The following STK17B variants were observed in gnomAD, a reference collection of about 807,000 sequenced individuals.
STK17B encodes serine/threonine kinase 17b.
A neutral mutation model predicts 42.0 loss-of-function variants in STK17B; 21 were observed. The observed-to-expected ratio is 0.50, with a 90% CI of 0.35 to 0.72. The LOEUF (loss-of-function observed/expected upper bound fraction) is 0.72, where lower values mean the gene tolerates loss of function less well. STK17B is among the 30% of genes least tolerant of loss of function. The pLI, the probability that STK17B is intolerant of heterozygous loss-of-function variation, is 0.00. For synonymous variants in STK17B, 143 were observed against 148.4 expected (o/e 0.96, Z 0.26); for missense variants, 349 against 446.0 (o/e 0.78, Z 1.96).
intron 3 of STK17B, chr2:196,156,022 A>C (rs1178631340): frequency 6.4e-6 from 1 of 156,246 alleles, no homozygotes; most frequent in Non-Finnish European, 1.4e-5. Context: ...TATTTTTCAA[A>C]TAGATGAAGA....
At chr2:196,149,114 T>C (rs947135046) in intron 3 of STK17B, among the ~76,000 whole-genome samples, 2 of 151,900 alleles carry the variant, frequency 1.3e-5, no homozygotes, top group African/African-American at 4.8e-5. Flanking sequence ...TTTCAATAAA[T>C]ACTTATCACA....
At chr2:196,174,147 T>G (rs977920479), upstream of STK17B, 2 of 152,194 alleles carry the variant, frequency 1.3e-5, no homozygotes, top group Non-Finnish European at 2.9e-5. Context: ...TGGTATTTGT[T>G]ATGGCAGTCC....
intron 1 of STK17B, among the ~76,000 whole-genome samples, chr2:196,168,745 A>T (rs1365510482): frequency 6.6e-6 from 1 of 152,208 alleles, no homozygotes; most frequent in African/African-American, 2.4e-5. Context: ...GAAAATTGCA[A>T]CATTACAACA....
chr2:196,137,433 C>A lies in STK17B; in HGVS notation c.*14G>T. 1.2e-6 allele frequency: 2 copies of A among 1,606,802 alleles called. No homozygotes were observed. Among genetic ancestry groups the A allele is most frequent in the South Asian group, 2.2e-5 (2 of 89,926 alleles). Reference sequence around the variant, plus strand: ...AATTTCAAATTCAGTCCAAATGAGTCAAAGAAAAAAGTGCTAACAGAGCAA... The same window carrying A: ...AATTTCAAATTCAGTCCAAATGAGTAAAAGAAAAAAGTGCTAACAGAGCAA... On this transcript the variant is annotated 3_prime_UTR_variant, in exon 8 of 8. Coordinates refer to ENST00000263955, the MANE Select transcript of STK17B (RefSeq NM_004226.4).
In STK17B at chr2:196,137,580, G is replaced by C. The variant is rs1181597307; in HGVS notation, c.986C>G (p.Ser329Cys). 1.2e-6 allele frequency: 2 copies of C among 1,614,000 alleles called. No homozygotes were observed. Among genetic ancestry groups the C allele is most frequent in the Non-Finnish European group, 1.7e-6 (2 of 1,180,008 alleles). ...TCTATCACCACAGGTTCCATTACAGGAGGATTTAGAAGTCTTGTCTTCAGA... is the reference window on the plus strand; with the variant it reads ...TCTATCACCACAGGTTCCATTACAGCAGGATTTAGAAGTCTTGTCTTCAGA... ...RSSEDKTSKS[S>C]CNGTCGDRED... The change falls in exon 8 of 8, where the codon TCC (serine) becomes TGC (cysteine). Residue 329 changes from serine (S) to cysteine (C), a missense_variant. By Grantham distance (112) the Ser-to-Cys change is moderately radical. Coordinates refer to ENST00000263955, the MANE Select transcript of STK17B (RefSeq NM_004226.4).
chr2:196,138,381 CCAT>C (rs946597853), intron 7 of STK17B, among the ~76,000 whole-genome samples: 1 of 152,160 alleles, frequency 6.6e-6, no homozygotes, highest in Non-Finnish European at 1.5e-5. Context: ...TATGGATACA[CCAT>C]AATTTATTTA....
chr2:196,152,533 C>A (rs552455272), intron 3 of STK17B, among the ~76,000 whole-genome samples: 1 of 152,306 alleles, frequency 6.6e-6, no homozygotes, highest in South Asian at 2.1e-4. Context: ...TACTCTAAAG[C>A]TACATCTCCA....
At chr2:196,144,318 G>T (rs1364892335) in intron 4 of STK17B, among the ~76,000 whole-genome samples, 1 of 151,152 alleles carries the variant, frequency 6.6e-6, no homozygotes, top group South Asian at 2.1e-4. Flanking sequence ...GTGAAACCCC[G>T]CCTCTACTAA....
chr2:196,165,531 A>C (rs1421568625), intron 1 of STK17B: 1 of 152,182 alleles, frequency 6.6e-6, no homozygotes, highest in Non-Finnish European at 1.5e-5. Flanking sequence ...CCCAGTTTAC[A>C]CTCCCACTAG....
chr2:196,175,490 G>A (rs1172084995), upstream of STK17B, among the ~76,000 whole-genome samples: 2 of 152,120 alleles, frequency 1.3e-5, no homozygotes, highest in Non-Finnish European at 2.9e-5. Flanking sequence ...GCCAGGCATG[G>A]TGGCAGGTTC....
intron 1 of STK17B, among the ~76,000 whole-genome samples, chr2:196,164,038 CAATAAATAAATAAATA>C (rs60492880): frequency 2.1e-5 from 3 of 146,172 alleles, no homozygotes; most frequent in South Asian, 2.2e-4. Flanking sequence ...GATCTTATCT[CAATAAATAAATAAATA>C]AATAAATAAA....
intron 5 of STK17B, 86 bp from the exon 6 acceptor site, chr2:196,141,383 GGCATGATGGCTCAT>G (rs1336947270): frequency 1.9e-6 from 2 of 1,079,718 alleles, no homozygotes; most frequent in Admixed American, 4.1e-5. Flanking sequence ...ACTGGGACTG[GGCATGATGGCTCAT>G]GCCTGTAATC....
At chr2:196,168,054 A>G (rs73048487) in intron 1 of STK17B, among the ~76,000 whole-genome samples, 4,603 of 152,304 alleles carry the variant, frequency 0.03, 225 homozygotes, top group African/African-American at 0.1. Flanking sequence ...ATGATTTTCA[A>G]TTTCAAGGAA....
rs148839124 is a variant in STK17B at position 196,170,302 on chromosome 2, T to G, written c.-45+1031A>C. On this transcript the variant is annotated intron_variant, in intron 1 of 7. Transcript: ENST00000263955. ...AGACATTCTCATAGACTTGAAAACG[T>G]AAAGTGGCCACACCACGTCAAACGT... is the stretch of plus-strand genomic sequence containing the variant. Among the ~76,000 whole-genome samples, 8 of 152,318 alleles carry G rather than the reference T, an allele frequency of 5.3e-5. No individual in the cohort carries two copies. The East Asian group carries it at 1.5e-3, about 29-fold the overall frequency.
Position 196,156,615 on chromosome 2 carries a change from T to C in STK17B, c.159A>G (p.Lys53=). The C allele has an allele frequency of 6.2e-7, 1 of 1,613,962 alleles. No homozygotes were observed. Among genetic ancestry groups the C allele is most frequent in the Non-Finnish European group, 8.5e-7 (1 of 1,179,908 alleles). Residue 53 remains lysine, a synonymous_variant, in exon 3 of 8, where the codon AAA becomes AAG. Coordinates refer to ENST00000263955, the MANE Select transcript of STK17B (RefSeq NM_004226.4). The stretch of plus-strand genomic sequence containing the variant: ...TTGCAGCATATTCTTGGCCAGTAGA[T>C]TTTGATATACATTGTCTAACCACAG... ...KFAVVRQCIS[K]STGQEYAAKF...
chr2:196,160,395 A>T (rs555274120), intron 2 of STK17B, among the ~76,000 whole-genome samples: 7 of 152,348 alleles, frequency 4.6e-5, no homozygotes, highest in African/African-American at 1.7e-4. Context: ...AAACAGGAAC[A>T]ATTCAAGTTT....
At chr2:196,164,370 T>C (rs1699851737) in intron 1 of STK17B, among the ~76,000 whole-genome samples, 2 of 152,314 alleles carry the variant, frequency 1.3e-5, no homozygotes, top group Admixed American at 1.3e-4. Context: ...AACCTATACA[T>C]AAAGCTTTAT....
chr2:196,139,729 T>C lies in STK17B; in HGVS notation c.727A>G (p.Thr243Ala). The C allele has an allele frequency of 6.8e-7, 1 of 1,462,832 alleles. No homozygotes were observed. The highest frequency in any genetic ancestry group is 9.0e-7 in the Non-Finnish European group (1 of 1,105,422). The allele number at this position is 1,462,832 out of a possible 1,614,324, so 90.6% of individuals were successfully genotyped here. A position where few individuals can be genotyped will look rare whatever the true frequency, so the allele number is the denominator to read the frequency against. ...SPFVGEDNQE[T>A]YLNISQVNVD... ...TTAACTTGAGAAATATTGAGGTATG[T>C]TTCTTGATTATCTTCTCCCACAAAT... The change falls in exon 7 of 8, where the codon ACA becomes GCA. Residue 243 changes from threonine (T) to alanine (A), a missense_variant. Around this residue, in one of 3 missense-constraint regions of STK17B, gnomAD observed 256 missense variants for 347.7 expected, o/e 0.74. Transcript: ENST00000263955.
At chr2:196,165,013 A>G (rs930521746) in intron 1 of STK17B, among the ~76,000 whole-genome samples, 1 of 152,208 alleles carries the variant, frequency 6.6e-6, no homozygotes, top group Non-Finnish European at 1.5e-5. Flanking sequence ...CATACCAGCT[A>G]TGAGACCTTA....
Sources: gnomAD v4.1 joint callset for allele counts (sites outside exome capture counted in the v4.1 genomes callset) on GRCh38, gnomAD v4.1.1 for gene constraint, gnomAD v4.1.1 regional missense constraint, MANE v1.5 for transcripts, NCBI Gene and HGNC (gene_info 2026-07-23, HGNC 2026-07-21) for gene names.